The following ITGB4 variants were observed in gnomAD, a reference collection of about 807,000 sequenced individuals.
ITGB4 encodes integrin subunit beta 4.
A neutral mutation model predicts 207.6 loss-of-function variants in ITGB4; 159 were observed. That is an observed-to-expected ratio of 0.77 (90% CI 0.67 to 0.87). The LOEUF (loss-of-function observed/expected upper bound fraction) is 0.87, where lower values mean the gene tolerates loss of function less well. ITGB4 is among the 40% of genes least tolerant of loss of function. ITGB4 has a pLI of 0.00. For synonymous variants in ITGB4, 1,020 were observed against 1,062.7 expected (o/e 0.96, Z 0.78); for missense variants, 2,278 against 2,546.8 (o/e 0.89, Z 2.27).
intron 26 of ITGB4, 105 bp from the exon 27 acceptor site, chr17:75,748,736 A>G (rs1308046087): frequency 1.3e-6 from 1 of 791,812 alleles, no homozygotes; most frequent in Non-Finnish European, 2.0e-6. Flanking sequence ...CCCAGCAAGC[A>G]GGGATGGTCT....
chr17:75,755,991 T>G (rs1271218205), intron 35 of ITGB4, 141 bp downstream of exon 35: 20 of 1,035,362 alleles, frequency 1.9e-5, no homozygotes, highest in Non-Finnish European at 2.9e-5. Flanking sequence ...TGAGAGGGTC[T>G]CCCACCCCAT....
At position 75,727,556 on chromosome 17, in the gene ITGB4, T is replaced by A; in HGVS notation, c.264+51T>A. 1.3e-6 allele frequency: 2 copies of A among 1,599,320 alleles called. No individual in the cohort carries two copies. Among genetic ancestry groups the A allele is most frequent in the East Asian group, 2.2e-5 (1 of 44,482 alleles). On this transcript the variant is annotated intron_variant, in intron 4 of 39. Transcript: ENST00000200181. The surrounding 1 kb of genome is among the most constrained non-coding windows in gnomAD (Gnocchi z 6.0). ...GGGCTCCCCATGCTCAGCCTGGCTA[T>A]TTATGGGGGTGTATAGTGCCCCTTG...
intron 13 of ITGB4, 46 bp downstream of exon 13, chr17:75,733,738 G>A: frequency 6.3e-7 from 1 of 1,585,264 alleles, no homozygotes; most frequent in Non-Finnish European, 8.6e-7. Flanking sequence ...GGTAGGGAGT[G>A]GACAGCAAGC....
chr17:75,755,285 G>T, intron 34 of ITGB4: 1 of 1,487,446 alleles, frequency 6.7e-7, no homozygotes, highest in Non-Finnish European at 9.1e-7. Context: ...CATAGCAGCC[G>T]CCAGCTGTGC....
Position 75,732,819 on chromosome 17 carries a change from G to A in ITGB4, c.1454+580G>A, listed in dbSNP as rs1482557214. ...ATGGGACAGCAGGCCAGGCGAGGTG[G>A]CTCACACCTGTAATCCCAGCACTTT... On this transcript the variant is annotated intron_variant, in intron 12 of 39. Transcript: ENST00000200181. This position sits in a 1 kb window ranked among gnomAD's most constrained non-coding sequence, Gnocchi z 5.3. Among the ~76,000 whole-genome samples, 8 of 152,204 alleles carry A rather than the reference G, an allele frequency of 5.3e-5. No homozygotes were observed. Among genetic ancestry groups the A allele is most frequent in the Non-Finnish European group, 1.0e-4 (7 of 68,038 alleles).
At chr17:75,735,079 TATTGATTG>T (rs546066733) in intron 13 of ITGB4, among the ~76,000 whole-genome samples, 1 of 152,210 alleles carries the variant, frequency 6.6e-6, no homozygotes, top group South Asian at 2.1e-4. Context: ...AAGACAATTT[TATTGATTG>T]ATTGATTGAT....
Position 75,727,224 on chromosome 17 carries a change from A to G in ITGB4, c.109A>G (p.Ser37Gly). ...CCGCTGCAAGAAGGCCCCAGTGAAGAGCTGCACGGAGTGTGTCCGTGTGGA... is the reference window on the plus strand; with the variant it reads ...CCGCTGCAAGAAGGCCCCAGTGAAGGGCTGCACGGAGTGTGTCCGTGTGGA... ...ANRCKKAPVKSCTECVRVDKD... is the reference protein window; with the variant it reads ...ANRCKKAPVKGCTECVRVDKD... Residue 37 changes from serine to glycine, a missense_variant, in exon 3 of 40, where the codon AGC becomes GGC. Coordinates refer to ENST00000200181, the MANE Select transcript of ITGB4 (RefSeq NM_000213.5). This position sits in a 1 kb window ranked among gnomAD's most constrained non-coding sequence, Gnocchi z 6.0. 1 of 1,614,036 alleles carries G rather than the reference A, an allele frequency of 6.2e-7. No homozygotes were observed. Among genetic ancestry groups the G allele is most frequent in the Middle Eastern group, 1.6e-4 (1 of 6,062 alleles).
Position 75,751,090 on chromosome 17 carries a change from G to C in ITGB4, c.3772G>C (p.Gly1258Arg). ...GEITAYEVCYGLVNDDNRPIG... is the reference protein window; with the variant it reads ...GEITAYEVCYRLVNDDNRPIG... ...GATCACAGCCTACGAGGTCTGCTAT[G>C]GCCTGGTCAACGATGACAACCGTAA... Residue 1258 changes from glycine to arginine, a missense_variant, in exon 30 of 40, where the codon GGC (glycine) becomes CGC (arginine). Coordinates refer to ENST00000200181, the MANE Select transcript of ITGB4 (RefSeq NM_000213.5). 6.2e-7 allele frequency: 1 copy of C among 1,613,802 alleles called. No individual in the cohort carries two copies. The highest frequency in any genetic ancestry group is 8.5e-7 in the Non-Finnish European group (1 of 1,180,036).
At position 75,740,146 on chromosome 17, in the gene ITGB4, A is replaced by T. The variant is rs529169728; in HGVS notation, c.2446+75A>T. 662 of 1,471,436 alleles carry T rather than the reference A, an allele frequency of 4.5e-4. No individual in the cohort carries two copies. The highest frequency in any genetic ancestry group is 5.6e-4 in the Non-Finnish European group (610 of 1,085,762). The allele number at this position is 1,471,436 out of a possible 1,614,324, so 91.1% of individuals were successfully genotyped here. On this transcript the variant is annotated intron_variant, in intron 20 of 39. Coordinates refer to ENST00000200181, the MANE Select transcript of ITGB4 (RefSeq NM_000213.5). This position sits in a 1 kb window ranked among gnomAD's most constrained non-coding sequence, Gnocchi z 5.9. Reference sequence around the variant, plus strand: ...TCTGTTCCAGATCTGGGATCACAGCATGCCTCTTCTCTGGGTGTGGGGTGC... The same window carrying T: ...TCTGTTCCAGATCTGGGATCACAGCTTGCCTCTTCTCTGGGTGTGGGGTGC...
At chr17:75,755,285 G>A (rs556550658) in intron 34 of ITGB4, 20 of 1,487,434 alleles carry the variant, frequency 1.3e-5, no homozygotes, top group South Asian at 6.0e-5. Context: ...CATAGCAGCC[G>A]CCAGCTGTGC....
chr17:75,728,428 T>C lies in ITGB4; in HGVS notation c.521T>C (p.Phe174Ser). ...TSDYTIGFGK[F>S]VDKVSVPQTD... ...GACTACACTATTGGATTTGGCAAGT[T>C]TGTGGACAAAGTCAGCGTCCCGCAG... Residue 174 changes from phenylalanine to serine, a missense_variant, in exon 6 of 40, where the codon TTT becomes TCT. By Grantham distance (155) the Phe-to-Ser change is radical (BLOSUM62 -2). Transcript: ENST00000200181. 6.2e-7 allele frequency: 1 copy of C among 1,614,162 alleles called. No individual in the cohort carries two copies. The highest frequency in any genetic ancestry group is 8.5e-7 in the Non-Finnish European group (1 of 1,180,004).
At position 75,757,464 on chromosome 17, in the gene ITGB4, C is replaced by G. The variant is rs1437075190; in HGVS notation, c.5378C>G (p.Thr1793Ser). The part of the protein sequence containing the change: ...AQHLEAGGSL[T>S]RHVTQEFVSR... ...CACCTGGAGGCAGGCGGCTCCCTCACCCGGCATGTGACCCAGGAGTTTGTG... is the reference window on the plus strand; with the variant it reads ...CACCTGGAGGCAGGCGGCTCCCTCAGCCGGCATGTGACCCAGGAGTTTGTG... Residue 1793 changes from threonine (T) to serine (S), a missense_variant, in exon 40 of 40, where the codon ACC (threonine) becomes AGC (serine). Thr to Ser is a moderately conservative substitution (Grantham distance 58). Transcript: ENST00000200181. The G allele has an allele frequency of 2.5e-6, 4 of 1,612,866 alleles. No individual in the cohort carries two copies. In the South Asian group the frequency reaches 4.4e-5, roughly 18 times the overall value.
In ITGB4 at chr17:75,750,356, C is replaced by G; in HGVS notation, c.3474+88C>G. 7.4e-7 allele frequency: 1 copy of G among 1,358,942 alleles called. No individual in the cohort carries two copies. Among genetic ancestry groups the G allele is most frequent in the Non-Finnish European group, 1.0e-6 (1 of 991,482 alleles). 84.2% of individuals were successfully genotyped at this position (1,358,942 alleles called of 1,614,324 possible). A position where few individuals can be genotyped will look rare whatever the true frequency, so the allele number is the denominator to read the frequency against. On this transcript the variant is annotated intron_variant, in intron 28 of 39. Coordinates refer to ENST00000200181, the MANE Select transcript of ITGB4 (RefSeq NM_000213.5). The surrounding 1 kb of genome is among the most constrained non-coding windows in gnomAD (Gnocchi z 5.5). Reference sequence around the variant, plus strand: ...AGAGGTGGGCCGTCCAAGGCCAGGGCCCCCTGAGAGAGAGCAGACAGTGGA... The same window carrying G: ...AGAGGTGGGCCGTCCAAGGCCAGGGGCCCCTGAGAGAGAGCAGACAGTGGA...
At position 75,731,052 on chromosome 17, in the gene ITGB4, G is replaced by A; in HGVS notation, c.1092+88G>A. On this transcript the variant is annotated intron_variant, in intron 9 of 39. Coordinates refer to ENST00000200181, the MANE Select transcript of ITGB4 (RefSeq NM_000213.5). This position sits in a 1 kb window ranked among gnomAD's most constrained non-coding sequence, Gnocchi z 6.8. ...TGGGCAAGAGGTGTCTTGGATCACG[G>A]TGGAGAAATGGGTCTGGGACAGACC... is the stretch of plus-strand genomic sequence containing the variant. 1 of 1,438,060 alleles carries A rather than the reference G, an allele frequency of 7.0e-7. No homozygotes were observed. Among genetic ancestry groups the A allele is most frequent in the Non-Finnish European group, 9.8e-7 (1 of 1,025,342 alleles). The allele number at this position is 1,438,060 out of a possible 1,614,324, so 89.1% of individuals were successfully genotyped here.
In ITGB4 at chr17:75,739,123, C is replaced by T. The variant is rs370969577; in HGVS notation, c.2221-549C>T. On this transcript the variant is annotated intron_variant, in intron 18 of 39. Coordinates refer to ENST00000200181, the MANE Select transcript of ITGB4 (RefSeq NM_000213.5). This position sits in a 1 kb window ranked among gnomAD's most constrained non-coding sequence, Gnocchi z 5.4. The stretch of plus-strand genomic sequence containing the variant: ...CAAGCCCGGCCAATATGGTGACACC[C>T]CATCTCTACTAGAAATACAAAATTA... Among the ~76,000 whole-genome samples, 1 of 151,960 alleles carries T rather than the reference C, an allele frequency of 6.6e-6. No homozygotes were observed. Among genetic ancestry groups the T allele is most frequent in the East Asian group, 1.9e-4 (1 of 5,192 alleles).
At position 75,733,475 on chromosome 17, in the gene ITGB4, C is replaced by CAGTT; in HGVS notation, c.1455-14_1455-11dup. The stretch of plus-strand genomic sequence containing the variant: ...CTCCTGGGCTGTTTCGGGGAATGAC[C>CAGTT]AGTTCCTCCTTCAGGAGTGGCCAGA... On this transcript the variant is annotated splice_polypyrimidine_tract_variant and intron_variant, in intron 12 of 39. Transcript: ENST00000200181. 6.2e-7 allele frequency: 1 copy of CAGTT among 1,611,388 alleles called. No homozygotes were observed. Among genetic ancestry groups the CAGTT allele is most frequent in the Non-Finnish European group, 8.5e-7 (1 of 1,179,058 alleles).
At position 75,739,888 on chromosome 17, in the gene ITGB4, G is replaced by A. The variant is rs372308913; in HGVS notation, c.2263G>A (p.Val755Met). ...LLPCCNRGHM[V>M]GFKEDHYMLR... is the part of the protein sequence containing the mutation. ...AGGACCCCATCCTGCAGGTCACATG[G>A]TGGGCTTTAAGGAAGACCACTACAT... is the stretch of plus-strand genomic sequence containing the variant. The change falls in exon 20 of 40, where the codon GTG becomes ATG. Residue 755 changes from valine (V) to methionine (M), a missense_variant. By Grantham distance (21) the Val-to-Met change is conservative (BLOSUM62 1). Transcript: ENST00000200181. The surrounding 1 kb of genome is among the most constrained non-coding windows in gnomAD (Gnocchi z 5.4). 5.6e-6 allele frequency: 9 copies of A among 1,613,460 alleles called. No homozygotes were observed. Among genetic ancestry groups the A allele is most frequent in the Non-Finnish European group, 7.6e-6 (9 of 1,180,018 alleles).
intron 27 of ITGB4, 78 bp downstream of exon 27, chr17:75,749,123 T>C (rs1388782424): frequency 2.5e-6 from 3 of 1,220,468 alleles, no homozygotes; most frequent in Non-Finnish European, 3.5e-6. Flanking sequence ...CTGTCAGACT[T>C]AGCAAATCCA....
At chr17:75,749,970 C>G (rs1228386915) in intron 27 of ITGB4, 141 bp from the exon 28 acceptor site, 1 of 1,050,736 alleles carries the variant, frequency 9.5e-7, no homozygotes. Context: ...TGGGGCACCA[C>G]CAGGTCTCCA....
Sources: gnomAD v4.1 joint callset for allele counts (sites outside exome capture counted in the v4.1 genomes callset) on GRCh38, gnomAD v4.1.1 for gene constraint, Gnocchi (gnomAD v3.1) non-coding constraint, MANE v1.5 for transcripts, NCBI Gene and HGNC (gene_info 2026-07-23, HGNC 2026-07-21) for gene names.